Variants in RAE1 observed in about 807,000 individuals in gnomAD.
RAE1 encodes ribonucleic acid export 1.
Under a neutral mutation model 52.7 loss-of-function variants are expected in RAE1, and 13 were observed. The ratio of observed to expected loss-of-function variants is 0.25; its 90% confidence interval spans 0.16 to 0.39. The LOEUF (loss-of-function observed/expected upper bound fraction) is 0.39. RAE1 is among the 10% of genes least tolerant of loss of function. The pLI, the probability that RAE1 is intolerant of heterozygous loss-of-function variation, is 1.00. For missense variants in RAE1, 262 were observed against 459.8 expected (o/e 0.57, Z 3.93); for synonymous variants, 164 against 153.1 (o/e 1.07, Z -0.52).
rs1275202341 is a variant in RAE1, at chr20:57,373,730, A to G, written c.817A>G (p.Ile273Val). The part of the protein sequence containing the change: ...NGTNTSAPQD[I>V]YAVNGIAFHP... ...AACCAACACTTCAGCTCCTCAGGAC[A>G]TTTATGCGGTACGTTTTTAGACACT... is the stretch of plus-strand genomic sequence containing the variant. The change falls in exon 10 of 12, where the codon ATT (isoleucine) becomes GTT (valine). Residue 273 changes from isoleucine (I) to valine (V), a missense_variant. Transcript: ENST00000395841. The G allele has an allele frequency of 2.5e-6, 4 of 1,613,270 alleles. No homozygotes were observed. The African/African-American group carries it at 4.0e-5, about 16-fold the overall frequency.
chr20:57,364,256 G>T (rs1368777568), intron 4 of RAE1, among the ~76,000 whole-genome samples: 1 of 152,182 alleles, frequency 6.6e-6, no homozygotes, highest in African/African-American at 2.4e-5. Flanking sequence ...TCTCTCCCCA[G>T]TGTTTTGCTG....
chr20:57,359,153 C>G (rs1318117422), intron 4 of RAE1: 1 of 605,384 alleles, frequency 1.7e-6, no homozygotes, highest in African/African-American at 1.9e-5. Context: ...ACTGGTAATG[C>G]TAGAGGTGAT....
At chr20:57,366,579 C>T (rs1218105341) in intron 5 of RAE1, among the ~76,000 whole-genome samples, 1 of 152,200 alleles carries the variant, frequency 6.6e-6, no homozygotes, top group African/African-American at 2.4e-5. Flanking sequence ...CATCTCCCAC[C>T]AGGCCCCACC....
intron 11 of RAE1, chr20:57,375,169 A>AG: frequency 1.6e-6 from 1 of 620,604 alleles, no homozygotes; most frequent in Non-Finnish European, 2.9e-6. Context: ...TGGTTTGGGC[A>AG]GGGGGAGTTA....
intron 1 of RAE1, among the ~76,000 whole-genome samples, chr20:57,352,362 T>A (rs2066723018): frequency 6.6e-6 from 1 of 152,148 alleles, no homozygotes; most frequent in Non-Finnish European, 1.5e-5. Flanking sequence ...CATCCCAAGC[T>A]GAAGGAACAG....
intron 1 of RAE1, chr20:57,351,647 G>A: frequency 2.0e-6 from 2 of 985,524 alleles, no homozygotes; most frequent in Non-Finnish European, 2.4e-6. Context: ...TGAGCCTCTG[G>A]GAAGGGTCAC....
intron 4 of RAE1, among the ~76,000 whole-genome samples, chr20:57,363,515 A>T (rs2066916759): frequency 6.6e-6 from 1 of 152,086 alleles, no homozygotes; most frequent in South Asian, 2.1e-4. Context: ...AAAAAATAAA[A>T]AAAATTATCT....
At chr20:57,376,680 G>A (rs1341665948) in intron 11 of RAE1, among the ~76,000 whole-genome samples, 5 of 152,188 alleles carry the variant, frequency 3.3e-5, no homozygotes, top group Non-Finnish European at 7.3e-5. Context: ...TTTTGGTTCT[G>A]CCTGGCTGGG....
intron 10 of RAE1, 66 bp from the exon 11 acceptor site, chr20:57,374,541 T>C (rs1358183488): frequency 8.5e-6 from 12 of 1,417,006 alleles, no homozygotes; most frequent in Non-Finnish European, 8.7e-6. Context: ...GCAGGAAGTG[T>C]GCGTGGGTGG....
chr20:57,372,429 A>T (rs1340447043), intron 8 of RAE1: 1 of 152,284 alleles, frequency 6.6e-6, no homozygotes, highest in Non-Finnish European at 1.5e-5. Flanking sequence ...GGGCCAGTGC[A>T]TGTGGCTCTT....
chr20:57,352,579 C>G (rs1357200765), intron 1 of RAE1, among the ~76,000 whole-genome samples: 1 of 152,250 alleles, frequency 6.6e-6, no homozygotes. Flanking sequence ...ACGAACGATT[C>G]TCACCTACCA....
chr20:57,362,218 C>G (rs767527594), intron 4 of RAE1, among the ~76,000 whole-genome samples: 3 of 152,218 alleles, frequency 2.0e-5, no homozygotes, highest in Non-Finnish European at 1.5e-5. Flanking sequence ...AGAAATAATT[C>G]TGTGTATAAA....
chr20:57,352,538 T>G (rs1331234214), intron 1 of RAE1, among the ~76,000 whole-genome samples: 3 of 152,220 alleles, frequency 2.0e-5, no homozygotes, highest in East Asian at 1.9e-4. Context: ...TTCCCAGTGC[T>G]CAGCATAAGG....
chr20:57,364,135 A>C (rs1444249002), intron 4 of RAE1, among the ~76,000 whole-genome samples: 1 of 152,212 alleles, frequency 6.6e-6, no homozygotes, highest in Non-Finnish European at 1.5e-5. Context: ...TGGAGGCATA[A>C]AAGCCAAACT....
Position 57,366,888 on chromosome 20 carries a change from T to A in RAE1, c.457T>A (p.Leu153Ile). 1.2e-6 allele frequency: 2 copies of A among 1,610,638 alleles called. No homozygotes were observed. Among genetic ancestry groups the A allele is most frequent in the Non-Finnish European group, 1.7e-6 (2 of 1,176,844 alleles). Residue 153 changes from leucine to isoleucine, a missense_variant, in exon 6 of 12, where the codon TTA becomes ATA. Physicochemically the swap from Leu to Ile is conservative, Grantham distance 5. Coordinates refer to ENST00000395841, the MANE Select transcript of RAE1 (RefSeq NM_003610.4). ...CVMTGSWDKT[L>I]KFWDTRSSNP... is the part of the protein sequence containing the mutation. ...GATGACTGGGAGCTGGGATAAGACTTTAAAGGTATAATGTGCAGTTGAGGC... is the reference window on the plus strand; with the variant it reads ...GATGACTGGGAGCTGGGATAAGACTATAAAGGTATAATGTGCAGTTGAGGC...
At chr20:57,357,616 T>C (rs1233870448) in intron 4 of RAE1, 2 of 152,202 alleles carry the variant, frequency 1.3e-5, no homozygotes, top group Non-Finnish European at 2.9e-5. Flanking sequence ...ATTTGTGGTA[T>C]AGAGTTCTGG....
At chr20:57,373,958 A>C (rs1255791664) in intron 10 of RAE1, among the ~76,000 whole-genome samples, 1 of 152,150 alleles carries the variant, frequency 6.6e-6, no homozygotes, top group African/African-American at 2.4e-5. Flanking sequence ...CAGTGGCGTG[A>C]TATCACCTCA....
chr20:57,364,097 CA>C (rs1207158008), intron 4 of RAE1, among the ~76,000 whole-genome samples: 1 of 152,180 alleles, frequency 6.6e-6, no homozygotes, highest in Non-Finnish European at 1.5e-5. Context: ...GGTAAAGGCA[CA>C]GGGGCGCTAA....
intron 6 of RAE1, 45 bp downstream of exon 6, chr20:57,366,938 C>G: frequency 8.2e-6 from 13 of 1,588,092 alleles, no homozygotes; most frequent in Non-Finnish European, 1.1e-5. Flanking sequence ...TCAGGATTGT[C>G]ATTTATTTTT....
Sources: allele counts gnomAD v4.1 joint callset (sites outside exome capture counted in the v4.1 genomes callset), GRCh38; gene constraint gnomAD v4.1.1; transcripts MANE v1.5; gene names NCBI Gene and HGNC (gene_info 2026-07-23, HGNC 2026-07-21).